CCNB3: variants seen among roughly 807,000 people sequenced by gnomAD.
CCNB3 encodes the protein cyclin B3, also known as G2/mitotic-specific cyclin-B3.
Under a neutral mutation model 68.0 loss-of-function variants are expected in CCNB3, and 12 were observed. That is an observed-to-expected ratio of 0.18 (90% confidence interval 0.11 to 0.29). CCNB3 has a LOEUF of 0.29. Among genes scored for constraint, CCNB3 ranks in the 10% least tolerant of loss-of-function variants. The pLI is 1.00. For synonymous variants in CCNB3, 354 were observed against 388.9 expected, an observed-to-expected ratio of 0.91 and a Z score of 1.06; for missense variants, 904 against 993.1, an observed-to-expected ratio of 0.91 and a Z score of 1.21.
At chrX:50,344,125 A>G (rs1923276245) in intron 9 of CCNB3, among the ~76,000 whole-genome samples, 3 of 112,421 alleles carry the variant, frequency 2.7e-5, no homozygotes. Context: ...TTGTTTTACA[A>G]TTGCCTACAG....
intron 4 of CCNB3, among the ~76,000 whole-genome samples, chrX:50,292,424 G>C (rs1936365350): frequency 9.0e-6 from 1 of 110,561 alleles, no homozygotes; most frequent in African/African-American, 3.3e-5. Context: ...ATGTTTGCTT[G>C]TGACTAGATT....
chrX:50,228,376 T>C (rs1409226758), intron 1 of CCNB3, among the ~76,000 whole-genome samples: 7 of 85,643 alleles, frequency 8.2e-5, no homozygotes, highest in Admixed American at 3.1e-4. Flanking sequence ...ACATAATATA[T>C]AGAGGATATA....
intron 8 of CCNB3, among the ~76,000 whole-genome samples, chrX:50,321,939 C>A (rs1922036911): frequency 9.1e-6 from 1 of 110,290 alleles, no homozygotes; most frequent in Non-Finnish European, 1.9e-5. Context: ...AAAAAATTTT[C>A]TTCATATTGG....
In CCNB3 at chrX:50,310,796, G is replaced by T. The variant is rs145402279; in HGVS notation, c.2627G>T (p.Arg876Leu). ...PSIEQEALFK[R>L]HSALWEKPST... ...ATTGAGCAGGAGGCCCTCTTTAAGC[G>T]ACACTCAGCTTTGTGGGAGAAGCCC... Residue 876 changes from arginine (R) to leucine (L), a missense_variant, in exon 6 of 13, where the codon CGA becomes CTA. Arg to Leu is a moderately radical substitution (Grantham distance 102). Transcript: ENST00000376042. 5.0e-6 allele frequency: 6 copies of T among 1,210,594 alleles called. No individual in the cohort carries two copies. Among genetic ancestry groups the T allele is most frequent in the Non-Finnish European group, 5.6e-6 (5 of 895,083 alleles).
chrX:50,225,237 T>A (rs1369941327), intron 1 of CCNB3, among the ~76,000 whole-genome samples: 1 of 110,692 alleles, frequency 9.0e-6, no homozygotes, highest in Non-Finnish European at 1.9e-5. Context: ...ACTTGCAATT[T>A]CAAAAATAGA....
chrX:50,293,391 T>C (rs1557210404), intron 4 of CCNB3, among the ~76,000 whole-genome samples: 1 of 111,131 alleles, frequency 9.0e-6, no homozygotes, highest in Non-Finnish European at 1.9e-5. Context: ...TTTTGATTAC[T>C]TCTTGTCTTT....
intron 1 of CCNB3, among the ~76,000 whole-genome samples, chrX:50,228,665 T>C (rs1400443749): frequency 1.2e-5 from 1 of 83,103 alleles, no homozygotes; most frequent in Non-Finnish European, 2.2e-5. Context: ...ATATAGAATA[T>C]ATATAGAATA....
chrX:50,223,163 TA>T (rs1224924990), intron 1 of CCNB3, among the ~76,000 whole-genome samples: 1 of 111,045 alleles, frequency 9.0e-6, no homozygotes, highest in Non-Finnish European at 1.9e-5. Flanking sequence ...GCAGTTCCTG[TA>T]ACTTTTTATC....
At chrX:50,306,726 A>T (rs1557213628) in intron 5 of CCNB3, among the ~76,000 whole-genome samples, 1 of 111,934 alleles carries the variant, frequency 8.9e-6, no homozygotes, top group Non-Finnish European at 1.9e-5. Context: ...TTTTGAGATG[A>T]TCATGTCGTT....
intron 1 of CCNB3, among the ~76,000 whole-genome samples, chrX:50,227,020 T>G (rs1935860241): frequency 2.6e-5 from 2 of 77,012 alleles, no homozygotes; most frequent in African/African-American, 1.1e-4. Context: ...ATATATAAAA[T>G]ATATATACAA....
chrX:50,203,387 C>G (rs2146966620), upstream of CCNB3, among the ~76,000 whole-genome samples: 1 of 112,353 alleles, frequency 8.9e-6, no homozygotes, highest in Admixed American at 9.4e-5. Flanking sequence ...CTTCCAGCCT[C>G]AGATTTAGCC....
At chrX:50,316,576 T>C (rs7887695) in intron 8 of CCNB3, among the ~76,000 whole-genome samples, 12,761 of 111,696 alleles carry the variant, frequency 0.11, 1,781 homozygotes, top group African/African-American at 0.4. Context: ...ACAGTTTGAC[T>C]ACGCCATAAA....
At chrX:50,301,655 C>G (rs1405524067) in intron 5 of CCNB3, among the ~76,000 whole-genome samples, 1 of 112,375 alleles carries the variant, frequency 8.9e-6, no homozygotes, top group African/African-American at 3.2e-5. Flanking sequence ...CTACTCTCTT[C>G]AAAGCTGTCA....
chrX:50,282,889 TA>T (rs755063031), intron 1 of CCNB3, among the ~76,000 whole-genome samples: 1,705 of 105,109 alleles, frequency 0.016, 12 homozygotes, highest in Middle Eastern at 0.039. Flanking sequence ...TGGTCATCCA[TA>T]AAAAAAAAAA....
At chrX:50,317,571 T>TATGTATGTATGTATGTATG (rs1557215964) in intron 8 of CCNB3, among the ~76,000 whole-genome samples, 2 of 5,788 alleles carry the variant, frequency 3.5e-4, no homozygotes, top group African/African-American at 1.3e-3. Flanking sequence ...ATGTATGTAT[T>TATGTATGTATGTATGTATG]TATTTATTTA....
intron 1 of CCNB3, among the ~76,000 whole-genome samples, chrX:50,218,089 T>G (rs1175651045): frequency 8.9e-6 from 1 of 112,107 alleles, no homozygotes; most frequent in African/African-American, 3.2e-5. Context: ...TCAACAGAAG[T>G]TATTATCAAT....
chrX:50,305,516 A>G lies in CCNB3; in HGVS notation c.336-2989A>G, dbSNP rs186678630. Among the ~76,000 whole-genome samples, 249 of 110,473 alleles carry G rather than the reference A, an allele frequency of 2.3e-3. 1 individual carries two copies. Among genetic ancestry groups the G allele is most frequent in the African/African-American group, 7.7e-3 (234 of 30,354 alleles). The stretch of plus-strand genomic sequence containing the variant: ...ACCGGGGACTGTTGTGGGGTCGGGG[A>G]AGAGGGGAGGGATAGCATTAGGAGA... On this transcript the variant is annotated intron_variant, in intron 5 of 12. Coordinates refer to ENST00000376042, the MANE Select transcript of CCNB3 (RefSeq NM_033031.3).
intron 1 of CCNB3, 37 bp downstream of exon 1, chrX:50,204,987 T>C (rs1330588332): frequency 4.5e-5 from 5 of 112,023 alleles, no homozygotes. Flanking sequence ...GAGAGCTTTT[T>C]GCCTTATATA....
intron 5 of CCNB3, among the ~76,000 whole-genome samples, chrX:50,297,684 T>G (rs1185901559): frequency 9.8e-5 from 11 of 111,986 alleles, no homozygotes; most frequent in African/African-American, 3.6e-4. Context: ...ATTGGTAGCT[T>G]GATGGGGATG....
Sources: gnomAD v4.1 joint callset for allele counts (sites outside exome capture counted in the v4.1 genomes callset) on GRCh38, gnomAD v4.1.1 for gene constraint, MANE v1.5 for transcripts, NCBI Gene and HGNC (gene_info 2026-07-23, HGNC 2026-07-21) for gene names.